The following RALGPS1 variants were observed in gnomAD, a reference collection of about 807,000 sequenced individuals.
RALGPS1 encodes Ral GEF with PH domain and SH3 binding motif 1.
Under a neutral mutation model 78.8 loss-of-function variants are expected in RALGPS1, and 19 were observed. The observed-to-expected ratio is 0.24, with a 90% CI of 0.17 to 0.35. RALGPS1 has a LOEUF of 0.35. Ranked by LOEUF, RALGPS1 falls within the 10% of genes least tolerant of loss-of-function variation. The pLI, the probability that RALGPS1 is intolerant of heterozygous loss-of-function variation, is 1.00. For synonymous variants in RALGPS1, 228 were observed against 256.3 expected, an observed-to-expected ratio of 0.89 and a Z score of 1.06; for missense variants, 454 against 688.3, an observed-to-expected ratio of 0.66 and a Z score of 3.81.
intron 5 of RALGPS1, among the ~76,000 whole-genome samples, chr9:127,046,980 C>G (rs2047851094): frequency 7.4e-6 from 1 of 135,704 alleles, no homozygotes; most frequent in African/African-American, 2.7e-5. Flanking sequence ...TTTTTTCCAT[C>G]GAATTAGTTA....
intron 8 of RALGPS1, among the ~76,000 whole-genome samples, chr9:127,160,279 C>G (rs1588241531): frequency 6.6e-6 from 1 of 152,202 alleles, no homozygotes; most frequent in South Asian, 2.1e-4. Flanking sequence ...GGCACTCCCT[C>G]CTTGGGGCCG....
chr9:127,042,989 A>G (rs1224038685), intron 5 of RALGPS1, among the ~76,000 whole-genome samples: 1 of 152,244 alleles, frequency 6.6e-6, no homozygotes, highest in African/African-American at 2.4e-5. Context: ...GTTAATATGG[A>G]AACCTCAAAA....
Position 127,218,594 on chromosome 9 carries a change from C to A in RALGPS1, c.1645-146C>A. On this transcript the variant is annotated intron_variant, in intron 18 of 18. Coordinates refer to ENST00000259351, the MANE Select transcript of RALGPS1 (RefSeq NM_014636.3). This position sits in a 1 kb window ranked among gnomAD's most constrained non-coding sequence, Gnocchi z 4.4. ...GCAGCTGCCACTTCACATGGGGTGG[C>A]TATTGTTATTGCCATACCCTCTCCC... 1 of 800,818 alleles carries A rather than the reference C, an allele frequency of 1.2e-6. No individual in the cohort carries two copies. Among genetic ancestry groups the A allele is most frequent in the Non-Finnish European group, 2.2e-6 (1 of 453,350 alleles). 49.6% of individuals were successfully genotyped at this position (800,818 alleles called of 1,614,324 possible).
intron 1 of RALGPS1, among the ~76,000 whole-genome samples, chr9:126,921,122 G>A (rs536632432): frequency 6.6e-6 from 1 of 152,346 alleles, no homozygotes; most frequent in African/African-American, 2.4e-5. Flanking sequence ...ACGTGATGCT[G>A]TGGGAGAACC....
chr9:127,170,509 T>C (rs1423149760), intron 10 of RALGPS1, among the ~76,000 whole-genome samples: 5 of 152,282 alleles, frequency 3.3e-5, no homozygotes, highest in African/African-American at 1.2e-4. Context: ...ATTAAAATTA[T>C]GCTTACCACA....
intron 1 of RALGPS1, among the ~76,000 whole-genome samples, chr9:126,945,270 C>T (rs2037151503): frequency 6.6e-6 from 1 of 152,146 alleles, no homozygotes; most frequent in South Asian, 2.1e-4. Flanking sequence ...ACAATCTCGG[C>T]TCACTGCAAC....
intron 13 of RALGPS1, among the ~76,000 whole-genome samples, chr9:127,197,654 C>T (rs2061415522): frequency 6.6e-6 from 1 of 152,174 alleles, no homozygotes; most frequent in African/African-American, 2.4e-5. Context: ...CTGTGTCTGC[C>T]TCTGTCCTCA....
intron 8 of RALGPS1, among the ~76,000 whole-genome samples, chr9:127,125,551 G>A (rs190804484): frequency 2.0e-5 from 3 of 152,318 alleles, no homozygotes; most frequent in African/African-American, 4.8e-5. Context: ...TCGGCCCTGC[G>A]CCCGGCTGCA....
intron 5 of RALGPS1, among the ~76,000 whole-genome samples, chr9:127,041,491 C>T (rs561414842): frequency 5.9e-5 from 9 of 152,284 alleles, no homozygotes; most frequent in Admixed American, 2.6e-4. Context: ...TGGCTTCAAT[C>T]CTTGCCAGCA....
intron 4 of RALGPS1, among the ~76,000 whole-genome samples, chr9:127,004,541 T>C (rs1389637820): frequency 1.3e-5 from 2 of 152,262 alleles, no homozygotes; most frequent in East Asian, 1.9e-4. Flanking sequence ...CTACTACTTA[T>C]GTCTGGGTAA....
chr9:127,134,498 G>A (rs888232977), intron 8 of RALGPS1, among the ~76,000 whole-genome samples: 2 of 152,214 alleles, frequency 1.3e-5, no homozygotes, highest in African/African-American at 4.8e-5. Flanking sequence ...CCATGCTACT[G>A]TGAAGTTGAG....
intron 8 of RALGPS1, among the ~76,000 whole-genome samples, chr9:127,157,468 G>T (rs924222635): frequency 7.9e-5 from 12 of 152,046 alleles, no homozygotes; most frequent in African/African-American, 2.9e-4. Flanking sequence ...CTTTGGAGAA[G>T]GATTAGTAGG....
chr9:127,017,724 A>G (rs560035576), intron 4 of RALGPS1, among the ~76,000 whole-genome samples: 4 of 152,290 alleles, frequency 2.6e-5, no homozygotes, highest in South Asian at 2.1e-4. Flanking sequence ...TCCTTATTCT[A>G]TAAGATTTTT....
chr9:127,065,609 A>C (rs2049619845), intron 7 of RALGPS1, among the ~76,000 whole-genome samples: 1 of 152,048 alleles, frequency 6.6e-6, no homozygotes, highest in Non-Finnish European at 1.5e-5. Context: ...TTTTATGTTT[A>C]TTTTTTATTA....
At chr9:127,199,610 G>GAGGAT (rs1554873844) in intron 14 of RALGPS1, among the ~76,000 whole-genome samples, 9 of 151,286 alleles carry the variant, frequency 5.9e-5, no homozygotes, top group South Asian at 2.1e-4. Context: ...GGATCCCTTG[G>GAGGAT]CCCAGGGTTT....
Position 127,218,905 on chromosome 9 carries a change from G to GT in RALGPS1, c.*137dup. On this transcript the variant is annotated 3_prime_UTR_variant, in exon 19 of 19. Coordinates refer to ENST00000259351, the MANE Select transcript of RALGPS1 (RefSeq NM_014636.3). This position sits in a 1 kb window ranked among gnomAD's most constrained non-coding sequence, Gnocchi z 4.4. ...CAGCTGGACTCAGGGGACACGGCCTGTGGCCTCACCATCCCAGAGGGCTTC... is the reference window on the plus strand; with the variant it reads ...CAGCTGGACTCAGGGGACACGGCCTGTTGGCCTCACCATCCCAGAGGGCTTC... The GT allele has an allele frequency of 3.0e-6, 3 of 1,000,004 alleles. No individual in the cohort carries two copies. The highest frequency in any genetic ancestry group is 4.7e-6 in the Non-Finnish European group (3 of 633,900). 61.9% of individuals were successfully genotyped at this position (1,000,004 alleles called of 1,614,324 possible).
At chr9:127,096,381 C>T (rs1465300315) in intron 8 of RALGPS1, among the ~76,000 whole-genome samples, 1 of 152,214 alleles carries the variant, frequency 6.6e-6, no homozygotes, top group Non-Finnish European at 1.5e-5. Context: ...ATGCTGGTGA[C>T]GGAAGATCCG....
At chr9:127,118,118 G>A (rs888206905) in intron 8 of RALGPS1, among the ~76,000 whole-genome samples, 3 of 152,110 alleles carry the variant, frequency 2.0e-5, no homozygotes, top group South Asian at 2.1e-4. Flanking sequence ...GCAGTGGCGC[G>A]ATCTCAGCTC....
At chr9:127,089,115 C>T in intron 8 of RALGPS1, 2 of 1,614,170 alleles carry the variant, frequency 1.2e-6, no homozygotes, top group Non-Finnish European at 1.7e-6. Flanking sequence ...CACCAGCCTC[C>T]CTTCTGGTAG....
Sources: allele counts gnomAD v4.1 joint callset (sites outside exome capture counted in the v4.1 genomes callset), GRCh38; gene constraint gnomAD v4.1.1; non-coding constraint Gnocchi (gnomAD v3.1); transcripts MANE v1.5; gene names NCBI Gene and HGNC (gene_info 2026-07-23, HGNC 2026-07-21).